The following TIAM1 variants were observed in gnomAD, a reference collection of about 807,000 sequenced individuals.
TIAM1 encodes the protein TIAM Rac1 associated GEF 1, also known as rho guanine nucleotide exchange factor TIAM1.
Under a neutral mutation model 163.5 loss-of-function variants are expected in TIAM1, and 65 were observed. The observed-to-expected ratio is 0.40, with a 90% CI of 0.33 to 0.49. TIAM1 has a LOEUF of 0.49. TIAM1 is among the 20% of genes least tolerant of loss of function. TIAM1 has a pLI of 0.77. For synonymous variants in TIAM1, 833 were observed against 810.1 expected, an observed-to-expected ratio of 1.03 and a Z score of -0.48; for missense variants, 1,789 against 2,044.7, an observed-to-expected ratio of 0.87 and a Z score of 2.41.
intron 1 of TIAM1, among the ~76,000 whole-genome samples, chr21:31,498,128 G>C (rs181273964): frequency 1.2e-4 from 19 of 152,332 alleles, no homozygotes; most frequent in African/African-American, 2.9e-4. Context: ...ACCCTCTTCA[G>C]TGGCAGCCTC....
chr21:31,405,741 T>C (rs796812885), intron 2 of TIAM1, among the ~76,000 whole-genome samples: 62 of 152,270 alleles, frequency 4.1e-4, no homozygotes, highest in African/African-American at 1.4e-3. Context: ...CCCCCATGAT[T>C]TAATCATCTC....
At position 31,222,341 on chromosome 21, in the gene TIAM1, T is replaced by C. The variant is rs534724613; in HGVS notation, c.1995+1065A>G. The stretch of plus-strand genomic sequence containing the variant: ...TGTCGACTTGGAAAGACTAAAACCA[T>C]GTTACTCATACAGCAATTTTTGAGA... On this transcript the variant is annotated intron_variant, in intron 8 of 27. Coordinates refer to ENST00000541036, the MANE Select transcript of TIAM1 (RefSeq NM_001353694.2). 1.4e-4 allele frequency among the ~76,000 whole-genome samples: 21 copies of C among 152,214 alleles called. No homozygotes were observed. In the South Asian group the frequency reaches 4.4e-3, roughly 32 times the overall value.
At chr21:31,535,494 A>G (rs1225996565) in intron 1 of TIAM1, among the ~76,000 whole-genome samples, 1 of 151,982 alleles carries the variant, frequency 6.6e-6, no homozygotes, top group Non-Finnish European at 1.5e-5. Flanking sequence ...GATTCCTTAA[A>G]TTAATTGAAA....
intron 2 of TIAM1, among the ~76,000 whole-genome samples, chr21:31,447,952 AATG>A (rs2044690021): frequency 4.6e-5 from 7 of 152,160 alleles, no homozygotes; most frequent in Admixed American, 4.6e-4. Context: ...GGAGGGAAAA[AATG>A]ATGTCCTAGC....
intron 2 of TIAM1, among the ~76,000 whole-genome samples, chr21:31,338,557 G>A (rs1003714322): frequency 6.6e-6 from 1 of 152,140 alleles, no homozygotes; most frequent in African/African-American, 2.4e-5. Context: ...TAACGTGACC[G>A]TTCCCACTTA....
At chr21:31,135,728 T>C (rs1438075217) in intron 23 of TIAM1, among the ~76,000 whole-genome samples, 2 of 152,224 alleles carry the variant, frequency 1.3e-5, no homozygotes, top group Non-Finnish European at 2.9e-5. Flanking sequence ...CGCCCACCCA[T>C]GTGGCTGAGT....
chr21:31,162,141 C>T (rs183150384), intron 16 of TIAM1, among the ~76,000 whole-genome samples: 2 of 152,274 alleles, frequency 1.3e-5, no homozygotes, highest in African/African-American at 4.8e-5. Flanking sequence ...ACCAGGTTTG[C>T]ATCCTGGTTT....
chr21:31,295,646 A>C (rs2074229718), intron 2 of TIAM1, among the ~76,000 whole-genome samples: 1 of 152,146 alleles, frequency 6.6e-6, no homozygotes, highest in African/African-American at 2.4e-5. Flanking sequence ...ATGAACAGTT[A>C]ACAGGTTATC....
At chr21:31,459,093 G>A (rs1197490944) in intron 2 of TIAM1, among the ~76,000 whole-genome samples, 1 of 150,436 alleles carries the variant, frequency 6.6e-6, no homozygotes, top group Non-Finnish European at 1.5e-5. Flanking sequence ...TTCAACCGGA[G>A]GAGTAAGGAG....
chr21:31,406,853 C>A (rs1269332287), intron 2 of TIAM1, among the ~76,000 whole-genome samples: 1 of 152,224 alleles, frequency 6.6e-6, no homozygotes, highest in East Asian at 1.9e-4. Context: ...CCCTGTTTCA[C>A]ACAAAGTTTG....
At chr21:31,189,682 GTT>G (rs775033231) in intron 13 of TIAM1, among the ~76,000 whole-genome samples, 1 of 152,180 alleles carries the variant, frequency 6.6e-6, no homozygotes, top group South Asian at 2.1e-4. Context: ...CCCTTTCACT[GTT>G]CCAGGTAGGC....
At chr21:31,288,587 A>T (rs2073902456) in intron 2 of TIAM1, among the ~76,000 whole-genome samples, 1 of 152,226 alleles carries the variant, frequency 6.6e-6, no homozygotes, top group South Asian at 2.1e-4. Flanking sequence ...TTCAGGTATT[A>T]GGTTCCAACA....
chr21:31,523,698 C>A (rs2047682313), intron 1 of TIAM1, among the ~76,000 whole-genome samples: 1 of 152,010 alleles, frequency 6.6e-6, no homozygotes, highest in African/African-American at 2.4e-5. Flanking sequence ...CCAAGGCGGG[C>A]AGATCACCCG....
chr21:31,483,217 G>A (rs1156622749), intron 1 of TIAM1, among the ~76,000 whole-genome samples: 1 of 152,188 alleles, frequency 6.6e-6, no homozygotes, highest in Admixed American at 6.5e-5. Flanking sequence ...AAATGGTGCT[G>A]CAGTCCCCAC....
chr21:31,410,781 GAGAC>G (rs1447155180), intron 2 of TIAM1, among the ~76,000 whole-genome samples: 1 of 152,074 alleles, frequency 6.6e-6, no homozygotes, highest in Non-Finnish European at 1.5e-5. Flanking sequence ...GAGACCAACA[GAGAC>G]AGAAAGGGAG....
At chr21:31,514,055 G>A (rs758898550) in intron 1 of TIAM1, among the ~76,000 whole-genome samples, 4 of 152,024 alleles carry the variant, frequency 2.6e-5, no homozygotes, top group East Asian at 1.9e-4. Flanking sequence ...AAAGGCCTGC[G>A]ACAGAGGGAC....
intron 2 of TIAM1, among the ~76,000 whole-genome samples, chr21:31,304,027 T>C (rs1270708706): frequency 6.6e-6 from 1 of 152,036 alleles, no homozygotes; most frequent in Non-Finnish European, 1.5e-5. Context: ...ATAGTGAATA[T>C]GACATAGCTC....
chr21:31,124,656 T>A lies in TIAM1; in HGVS notation c.4172A>T (p.His1391Leu). 6.2e-7 allele frequency: 1 copy of A among 1,609,766 alleles called. No homozygotes were observed. The highest frequency in any genetic ancestry group is 1.1e-5 in the South Asian group (1 of 90,438). Residue 1391 changes from histidine (H) to leucine (L), a missense_variant, in exon 27 of 28, where the codon CAT becomes CTT. This residue lies in a region of TIAM1 where 415 missense variants were observed against 439.2 expected (regional missense o/e 0.94). Coordinates refer to ENST00000541036, the MANE Select transcript of TIAM1 (RefSeq NM_001353694.2). ...ESRKDFLKAV[H>L]SILRDKHRRQ... The stretch of plus-strand genomic sequence containing the variant: ...TCTGTGCTTATCACGCAGGATTGAA[T>A]GCACAGCCTTTAGGAAATCCTTTCG...
Position 31,252,100 on chromosome 21 carries a change from A to G in TIAM1, c.1053T>C (p.Asn351=). Residue 351 remains asparagine, a synonymous_variant, in exon 5 of 28, where the codon AAT becomes AAC. Coordinates refer to ENST00000541036, the MANE Select transcript of TIAM1 (RefSeq NM_001353694.2). ...TGGGTGAGTAGCTGGAGTTGGTGGC[A>G]TTAGATCGCCTGGACAGGAGGTCCG... ...TDTDLLSRRS[N]ATNSSYSPTT... is the part of the protein sequence containing the mutation. The G allele has an allele frequency of 5.6e-6, 9 of 1,613,844 alleles. No individual in the cohort carries two copies. Among genetic ancestry groups the G allele is most frequent in the Non-Finnish European group, 7.6e-6 (9 of 1,180,024 alleles).
Sources: allele counts gnomAD v4.1 joint callset (sites outside exome capture counted in the v4.1 genomes callset), GRCh38; gene constraint gnomAD v4.1.1; regional missense constraint gnomAD v4.1.1; transcripts MANE v1.5; gene names NCBI Gene and HGNC (gene_info 2026-07-23, HGNC 2026-07-21).